The following CPXM2 variants were observed in gnomAD, a reference collection of about 807,000 sequenced individuals.
CPXM2 encodes the protein inactive carboxypeptidase-like protein X2.
CPXM2 carries 66 observed loss-of-function variants against 86.1 expected under a neutral mutation model. The observed-to-expected ratio is 0.77, with a 90% CI of 0.63 to 0.94. The LOEUF (loss-of-function observed/expected upper bound fraction) is 0.94. Among genes scored for constraint, CPXM2 ranks in the 40% least tolerant of loss-of-function variants. The pLI is 0.00. For missense variants in CPXM2, 948 were observed against 1,026.3 expected, an observed-to-expected ratio of 0.92 and a Z score of 1.04; for synonymous variants, 388 against 400.2, an observed-to-expected ratio of 0.97 and a Z score of 0.36.
At chr10:123,823,483 A>G (rs1294612081) in intron 4 of CPXM2, among the ~76,000 whole-genome samples, 2 of 152,248 alleles carry the variant, frequency 1.3e-5, no homozygotes, top group African/African-American at 2.4e-5. Flanking sequence ...TACCTCCAGT[A>G]AAAGAAAAAA....
At chr10:123,859,559 G>C (rs903244049) in intron 3 of CPXM2, among the ~76,000 whole-genome samples, 1 of 152,232 alleles carries the variant, frequency 6.6e-6, no homozygotes, top group Non-Finnish European at 1.5e-5. Context: ...CCAGGTACCC[G>C]AGTAGGGTCA....
At chr10:123,838,690 G>A (rs1031715722) in intron 4 of CPXM2, among the ~76,000 whole-genome samples, 2 of 152,214 alleles carry the variant, frequency 1.3e-5, no homozygotes, top group East Asian at 1.9e-4. Flanking sequence ...ACTAGGGTAC[G>A]CTCTGCACGC....
At chr10:123,906,799 A>G (rs1429769454) in intron 2 of CPXM2, among the ~76,000 whole-genome samples, 7 of 152,232 alleles carry the variant, frequency 4.6e-5, no homozygotes, top group Non-Finnish European at 7.3e-5. Context: ...GAGAGAAAGC[A>G]GAGTCCCAAA....
At chr10:123,812,775 T>C (rs769274342) in intron 4 of CPXM2, among the ~76,000 whole-genome samples, 5 of 152,186 alleles carry the variant, frequency 3.3e-5, no homozygotes, top group Non-Finnish European at 5.9e-5. Flanking sequence ...TATGAGAATC[T>C]AATGCGTGAT....
At chr10:123,770,702 TG>T (rs1846606584) in intron 8 of CPXM2, among the ~76,000 whole-genome samples, 1 of 152,192 alleles carries the variant, frequency 6.6e-6, no homozygotes, top group African/African-American at 2.4e-5. Flanking sequence ...GGAGAAAAGA[TG>T]GGTATTTCCA....
intron 6 of CPXM2, among the ~76,000 whole-genome samples, chr10:123,787,339 A>G (rs116014290): frequency 0.023 from 3,544 of 152,174 alleles, 130 homozygotes; most frequent in African/African-American, 0.079. Context: ...CACCAGCCAC[A>G]GCTCAGGACT....
At chr10:123,911,283 A>G (rs1945485836) in intron 2 of CPXM2, among the ~76,000 whole-genome samples, 1 of 151,994 alleles carries the variant, frequency 6.6e-6, no homozygotes, top group Non-Finnish European at 1.5e-5. Flanking sequence ...CATTCCATGC[A>G]CTATGCTGGG....
At chr10:123,852,678 C>A (rs1179085441) in intron 3 of CPXM2, among the ~76,000 whole-genome samples, 1 of 152,198 alleles carries the variant, frequency 6.6e-6, no homozygotes, top group African/African-American at 2.4e-5. Flanking sequence ...CATGTCTTCT[C>A]CCCTGATGCT....
chr10:123,842,217 T>C (rs1848401080), intron 4 of CPXM2, 132 bp downstream of exon 4: 4 of 1,213,396 alleles, frequency 3.3e-6, no homozygotes, highest in African/African-American at 3.0e-5. Context: ...CTCCTGTTCA[T>C]ATTCCAATTT....
intron 4 of CPXM2, among the ~76,000 whole-genome samples, chr10:123,807,229 A>G (rs1181600227): frequency 6.6e-6 from 1 of 152,148 alleles, no homozygotes; most frequent in Non-Finnish European, 1.5e-5. Context: ...CTCCCTCCAA[A>G]CACTTCCAGG....
intron 2 of CPXM2, chr10:123,913,998 C>T (rs1217873599): frequency 2.0e-6 from 1 of 490,918 alleles, no homozygotes; most frequent in South Asian, 1.5e-5. Context: ...TTGCCAACCG[C>T]ATTCCCTCCC....
chr10:123,930,307 C>A (rs1433267014), intron 2 of CPXM2, among the ~76,000 whole-genome samples: 5 of 152,242 alleles, frequency 3.3e-5, no homozygotes, highest in Non-Finnish European at 5.9e-5. Context: ...TCTGTTTGCT[C>A]CCCGCAGCAC....
intron 2 of CPXM2, among the ~76,000 whole-genome samples, chr10:123,933,686 C>G (rs942308311): frequency 6.6e-6 from 1 of 152,002 alleles, no homozygotes; most frequent in African/African-American, 2.4e-5. Flanking sequence ...CCACTGCACT[C>G]CAGCCTGGGC....
chr10:123,806,135 G>A (rs184946992), intron 4 of CPXM2, among the ~76,000 whole-genome samples: 49 of 152,106 alleles, frequency 3.2e-4, no homozygotes, highest in African/African-American at 1.1e-3. Flanking sequence ...CTTGAAGAGC[G>A]CCTTTGCTAT....
intron 2 of CPXM2, among the ~76,000 whole-genome samples, chr10:123,912,089 C>T (rs1009428655): frequency 4.6e-5 from 7 of 152,122 alleles, no homozygotes; most frequent in Non-Finnish European, 7.3e-5. Flanking sequence ...TCTGCATTGG[C>T]ATACTTCCAG....
intron 3 of CPXM2, among the ~76,000 whole-genome samples, chr10:123,855,985 C>T (rs968059504): frequency 7.9e-5 from 12 of 152,164 alleles, no homozygotes; most frequent in African/African-American, 2.2e-4. Flanking sequence ...ATGGGTGAGA[C>T]AAGACCTGGT....
rs759470743 is a variant in CPXM2, at chr10:123,774,895, T to C, written c.979-3856A>G. Among the ~76,000 whole-genome samples the C allele has an allele frequency of 5.1e-4, 78 of 152,300 alleles. 1 individual carries two copies. Among genetic ancestry groups the C allele is most frequent in the Non-Finnish European group, 4.1e-4 (28 of 68,020 alleles). Reference sequence around the variant, plus strand: ...ACATATGAATAGCACCATGTTTTAATAAAAGACACAGTAATAACGTCACCA... The same window carrying C: ...ACATATGAATAGCACCATGTTTTAACAAAAGACACAGTAATAACGTCACCA... On this transcript the variant is annotated intron_variant, in intron 7 of 13. Transcript: ENST00000241305.
intron 2 of CPXM2, among the ~76,000 whole-genome samples, chr10:123,924,860 T>A (rs2134281758): frequency 6.6e-6 from 1 of 151,888 alleles, no homozygotes; most frequent in South Asian, 2.1e-4. Flanking sequence ...GAGCTCTGTG[T>A]CAGGAATCAG....
At chr10:123,914,020 G>T in intron 2 of CPXM2, 1 of 496,802 alleles carries the variant, frequency 2.0e-6, no homozygotes, top group Non-Finnish European at 4.0e-6. Flanking sequence ...TGGGGTTTCA[G>T]AATCCAACCT....
Sources: allele counts gnomAD v4.1 joint callset (sites outside exome capture counted in the v4.1 genomes callset), GRCh38; gene constraint gnomAD v4.1.1; transcripts MANE v1.5; gene names NCBI Gene and HGNC (gene_info 2026-07-23, HGNC 2026-07-21).